THRB: variants seen among roughly 807,000 people sequenced by gnomAD.
The protein encoded by THRB is thyroid hormone receptor beta.
A neutral mutation model predicts 47.8 loss-of-function variants in THRB; 12 were observed. That is an observed-to-expected ratio of 0.25 (90% CI 0.16 to 0.41). The LOEUF (loss-of-function observed/expected upper bound fraction) is 0.41, where lower values mean the gene tolerates loss of function less well. THRB is among the 10% of genes least tolerant of loss of function. THRB has a pLI of 1.00. For missense variants in THRB, 348 were observed against 589.2 expected, an observed-to-expected ratio of 0.59 and a Z score of 4.24; for synonymous variants, 218 against 212.2, an observed-to-expected ratio of 1.03 and a Z score of -0.24.
chr3:24,408,158 T>A (rs1474921100), intron 1 of THRB, among the ~76,000 whole-genome samples: 1 of 151,884 alleles, frequency 6.6e-6, no homozygotes, highest in African/African-American at 2.4e-5. Flanking sequence ...GCAGAAACCA[T>A]CAAATACCAG....
chr3:24,229,137 G>A (rs571688701), intron 3 of THRB, 136 bp from the exon 4 acceptor site: 62 of 624,526 alleles, frequency 9.9e-5, no homozygotes, highest in African/African-American at 4.8e-4. Context: ...TGGGGACACC[G>A]AAGCATAGGT....
chr3:24,415,531 A>G lies in THRB; in HGVS notation c.-260-78160T>C, dbSNP rs564938428. 9.2e-5 allele frequency among the ~76,000 whole-genome samples: 14 copies of G among 151,966 alleles called. 1 individual carries two copies. The South Asian group carries it at 2.7e-3, about 29-fold the overall frequency. ...TTGGATAAATACTTGTTTTTATTTC[A>G]AAGGAAAAGGCATGGTTGTCAACAC... On this transcript the variant is annotated intron_variant, in intron 1 of 10. Transcript: ENST00000646209.
chr3:24,472,069 A>C (rs1254646894), intron 1 of THRB, among the ~76,000 whole-genome samples: 2 of 152,186 alleles, frequency 1.3e-5, no homozygotes, highest in Non-Finnish European at 2.9e-5. Context: ...ACAGAGTAGG[A>C]CATTTTCCTT....
chr3:24,415,842 G>A (rs2068690129), intron 1 of THRB, among the ~76,000 whole-genome samples: 1 of 151,752 alleles, frequency 6.6e-6, no homozygotes, highest in South Asian at 2.1e-4. Context: ...TGAACTTACT[G>A]AGTTGATACA....
At chr3:24,238,265 G>A (rs2049081662) in intron 3 of THRB, among the ~76,000 whole-genome samples, 1 of 18,264 alleles carries the variant, frequency 5.5e-5, no homozygotes, top group African/African-American at 1.9e-4. Context: ...GTGTGTGTAT[G>A]TGTGTGTGTG....
At chr3:24,341,556 A>G (rs2062656844) in intron 1 of THRB, among the ~76,000 whole-genome samples, 4 of 152,064 alleles carry the variant, frequency 2.6e-5, no homozygotes, top group Admixed American at 2.6e-4. Context: ...TTAAGTACAA[A>G]ATACAGTATT....
intron 3 of THRB, among the ~76,000 whole-genome samples, chr3:24,266,677 G>A (rs895037714): frequency 6.6e-6 from 1 of 152,082 alleles, no homozygotes; most frequent in Non-Finnish European, 1.5e-5. Flanking sequence ...CCCCAGCAAA[G>A]GCAACACACT....
chr3:24,161,952 G>A (rs994747327), intron 5 of THRB, among the ~76,000 whole-genome samples: 16 of 151,594 alleles, frequency 1.1e-4, no homozygotes, highest in Non-Finnish European at 2.4e-4. Flanking sequence ...AAGATGGCAT[G>A]TAGAAGGTCA....
rs539877878 is a variant in THRB, at chr3:24,364,186, A to G, written c.-260-26815T>C. On this transcript the variant is annotated intron_variant, in intron 1 of 10. Coordinates refer to ENST00000646209, the MANE Select transcript of THRB (RefSeq NM_001354712.2). ...AAAAGCATATGGTGGTAAAAAATGAACCAGGAGATAGGGGGTAGCTTTGGA... is the reference window on the plus strand; with the variant it reads ...AAAAGCATATGGTGGTAAAAAATGAGCCAGGAGATAGGGGGTAGCTTTGGA... Among the ~76,000 whole-genome samples the G allele has an allele frequency of 5.3e-5, 8 of 152,286 alleles. 1 individual carries two copies. The South Asian group carries it at 1.7e-3, about 32-fold the overall frequency.
chr3:24,234,326 G>T (rs572288544), intron 3 of THRB, among the ~76,000 whole-genome samples: 4 of 152,260 alleles, frequency 2.6e-5, no homozygotes, highest in Admixed American at 1.3e-4. Flanking sequence ...TATGGACTTT[G>T]ATCATTCTTA....
At chr3:24,253,181 T>C (rs1486938146) in intron 3 of THRB, among the ~76,000 whole-genome samples, 1 of 152,130 alleles carries the variant, frequency 6.6e-6, no homozygotes, top group Admixed American at 6.6e-5. Flanking sequence ...AGGCATAAAA[T>C]AAATAATATA....
rs1289555685 is a variant in THRB, at chr3:24,346,266, A to T, written c.-260-8895T>A. On this transcript the variant is annotated intron_variant, in intron 1 of 10. Transcript: ENST00000646209. ...TGGAAAGTAGTCAAAGTCACAACTT[A>T]TATTATATACTAATAAATTAATGAT... Among the ~76,000 whole-genome samples, 5 of 152,254 alleles carry T rather than the reference A, an allele frequency of 3.3e-5. No homozygotes were observed. The South Asian group carries it at 6.2e-4, about 19-fold the overall frequency.
At chr3:24,397,686 G>A (rs1453210019) in intron 1 of THRB, among the ~76,000 whole-genome samples, 5 of 149,724 alleles carry the variant, frequency 3.3e-5, no homozygotes, top group African/African-American at 4.9e-5. Context: ...GGGTTCAAGC[G>A]ATTCTCCTGC....
At chr3:24,437,732 CCTGT>C (rs1200807164) in intron 1 of THRB, among the ~76,000 whole-genome samples, 5 of 152,060 alleles carry the variant, frequency 3.3e-5, no homozygotes, top group African/African-American at 1.2e-4. Context: ...CAAGGATCCT[CCTGT>C]CTATGTATGA....
At chr3:24,304,322 T>C (rs2057179095) in intron 2 of THRB, among the ~76,000 whole-genome samples, 1 of 152,128 alleles carries the variant, frequency 6.6e-6, no homozygotes, top group South Asian at 2.1e-4. Context: ...AAGTAGATAT[T>C]TTGATAGGAT....
chr3:24,252,644 G>A (rs1179267673), intron 3 of THRB, among the ~76,000 whole-genome samples: 8 of 151,158 alleles, frequency 5.3e-5, no homozygotes, highest in Middle Eastern at 3.4e-3. Context: ...AAGGAGATAT[G>A]TAAAACGCAA....
intron 1 of THRB, among the ~76,000 whole-genome samples, chr3:24,454,461 T>C (rs2072976351): frequency 6.6e-6 from 1 of 152,184 alleles, no homozygotes; most frequent in South Asian, 2.1e-4. Flanking sequence ...ACTGAGAATA[T>C]ACTAAAAATC....
intron 3 of THRB, among the ~76,000 whole-genome samples, chr3:24,293,805 G>A (rs571187798): frequency 1.2e-4 from 18 of 152,238 alleles, no homozygotes; most frequent in African/African-American, 3.1e-4. Context: ...CCATTGTGGC[G>A]GCTGCAGCAT....
chr3:24,218,252 A>G (rs1414085884), intron 4 of THRB, among the ~76,000 whole-genome samples: 3 of 149,604 alleles, frequency 2.0e-5, no homozygotes, highest in Non-Finnish European at 4.4e-5. Flanking sequence ...TGGGCGACAG[A>G]GTAAGACTCT....
Sources: gnomAD v4.1 joint callset for allele counts (sites outside exome capture counted in the v4.1 genomes callset) on GRCh38, gnomAD v4.1.1 for gene constraint, MANE v1.5 for transcripts, NCBI Gene and HGNC (gene_info 2026-07-23, HGNC 2026-07-21) for gene names.